CABP1: variants seen among roughly 807,000 people sequenced by gnomAD.
CABP1 encodes the protein calcium-binding protein 1.
CABP1 carries 17 observed loss-of-function variants against 34.3 expected under a neutral mutation model. The ratio of observed to expected loss-of-function variants is 0.50; its 90% CI spans 0.34 to 0.74. CABP1 has a LOEUF of 0.74. Ranked by LOEUF, CABP1 falls within the 30% of genes least tolerant of loss-of-function variation. CABP1 has a pLI of 0.01. For missense variants in CABP1, 373 were observed against 511.1 expected (o/e 0.73, Z 2.61); for synonymous variants, 198 against 229.2 (o/e 0.86, Z 1.23).
chr12:120,679,049 G>A, the CABP1 span, among the ~76,000 whole-genome samples: 1 of 141,478 alleles, frequency 7.1e-6, no homozygotes, highest in Non-Finnish European at 1.5e-5. Flanking sequence ...CTCCAGCCTG[G>A]GTGACAGAGT....
chr12:120,664,736 G>A (rs1170163343), intron 5 of CABP1, among the ~76,000 whole-genome samples: 2 of 152,006 alleles, frequency 1.3e-5, no homozygotes, highest in East Asian at 1.9e-4. Context: ...AATTAGCTGG[G>A]TGTGGTGGCG....
the CABP1 span, among the ~76,000 whole-genome samples, chr12:120,676,916 A>G: frequency 6.6e-6 from 1 of 152,044 alleles, no homozygotes; most frequent in Non-Finnish European, 1.5e-5. Flanking sequence ...CCTTAACACA[A>G]TGTAAAAAGT....
chr12:120,650,424 C>A (rs1879769233), intron 1 of CABP1: 2 of 1,323,750 alleles, frequency 1.5e-6, no homozygotes, highest in Non-Finnish European at 2.0e-6. Flanking sequence ...AACACACACA[C>A]AATCCACCCA....
intron 5 of CABP1, 82 bp from the exon 6 acceptor site, chr12:120,666,793 C>T: frequency 1.4e-6 from 2 of 1,471,004 alleles, no homozygotes; most frequent in Non-Finnish European, 1.9e-6. Context: ...GGGGCAGTGG[C>T]AACAGGGTGG....
In CABP1 at chr12:120,660,024, T is replaced by G; in HGVS notation, c.685+116T>G. ...GGGGCCTGGTGCAACGCGGGGTATCTTCTGTGAAACCAGCTGCTGAAGGTG... is the reference window on the plus strand; with the variant it reads ...GGGGCCTGGTGCAACGCGGGGTATCGTCTGTGAAACCAGCTGCTGAAGGTG... On this transcript the variant is annotated intron_variant, in intron 2 of 5. Coordinates refer to ENST00000316803, the MANE Select transcript of CABP1 (RefSeq NM_001033677.2). This position sits in a 1 kb window ranked among gnomAD's most constrained non-coding sequence, Gnocchi z 5.0. The G allele has an allele frequency of 7.7e-7, 1 of 1,296,460 alleles. No homozygotes were observed. The highest frequency in any genetic ancestry group is 1.1e-6 in the Non-Finnish European group (1 of 918,756). 80.3% of individuals were successfully genotyped at this position (1,296,460 alleles called of 1,614,324 possible). A position where few individuals can be genotyped will look rare whatever the true frequency, so the allele number is the denominator to read the frequency against.
At chr12:120,679,668 A>C in the CABP1 span, among the ~76,000 whole-genome samples, 5 of 151,842 alleles carry the variant, frequency 3.3e-5, no homozygotes, top group African/African-American at 1.2e-4. Context: ...TCTCTACTAA[A>C]AATACAAAAT....
intron 1 of CABP1, among the ~76,000 whole-genome samples, chr12:120,658,253 T>C (rs1880376882): frequency 6.6e-6 from 1 of 151,962 alleles, no homozygotes; most frequent in African/African-American, 2.4e-5. Context: ...ACCACCATGC[T>C]TGGCTAACTA....
the CABP1 span, among the ~76,000 whole-genome samples, chr12:120,680,135 T>C: frequency 6.6e-6 from 1 of 152,168 alleles, no homozygotes; most frequent in African/African-American, 2.4e-5. Context: ...ATCACACCAC[T>C]GCACTCCAAC....
At chr12:120,670,528 G>A (rs1457227051), downstream of CABP1, among the ~76,000 whole-genome samples, 2 of 151,942 alleles carry the variant, frequency 1.3e-5, no homozygotes, top group Non-Finnish European at 2.9e-5. Context: ...TGGGTGGATC[G>A]CTTGAGGTCA....
chr12:120,654,575 C>T (rs973925339), intron 1 of CABP1, among the ~76,000 whole-genome samples: 3 of 152,212 alleles, frequency 2.0e-5, no homozygotes, highest in African/African-American at 4.8e-5. Context: ...CAGCTCCTGT[C>T]GCTCCTTGGG....
At chr12:120,647,945 G>A (rs1879626590) in intron 1 of CABP1, among the ~76,000 whole-genome samples, 1 of 152,062 alleles carries the variant, frequency 6.6e-6, no homozygotes, top group Admixed American at 6.6e-5. Context: ...TTACCTGGGA[G>A]TACTAAGCAA....
chr12:120,671,376 C>A (rs1357310908), downstream of CABP1, among the ~76,000 whole-genome samples: 6 of 152,290 alleles, frequency 3.9e-5, no homozygotes, highest in Non-Finnish European at 1.5e-5. Flanking sequence ...CCAGCCTGGG[C>A]AACAGAGCAA....
chr12:120,653,360 C>T (rs1177416435), intron 1 of CABP1, among the ~76,000 whole-genome samples: 1 of 152,160 alleles, frequency 6.6e-6, no homozygotes, highest in East Asian at 1.9e-4. Context: ...TGTGACTAGT[C>T]ATGAGCATCT....
intron 5 of CABP1, among the ~76,000 whole-genome samples, chr12:120,665,677 C>T (rs1003556903): frequency 1.3e-5 from 2 of 151,810 alleles, no homozygotes; most frequent in East Asian, 3.9e-4. Flanking sequence ...AGAAAAAAAT[C>T]TCCGTACTTT....
the CABP1 span, among the ~76,000 whole-genome samples, chr12:120,679,012 G>T: frequency 5.0e-5 from 7 of 140,596 alleles, no homozygotes; most frequent in Non-Finnish European, 4.5e-5. Flanking sequence ...GGCCAAGGTT[G>T]CAGTGAGATG....
At chr12:120,644,354 T>C (rs942757631) in intron 1 of CABP1, among the ~76,000 whole-genome samples, 3 of 152,184 alleles carry the variant, frequency 2.0e-5, no homozygotes, top group Non-Finnish European at 4.4e-5. Flanking sequence ...TAAGGTACTT[T>C]GAAAGCTGAT....
downstream of CABP1, among the ~76,000 whole-genome samples, chr12:120,669,738 A>T (rs1881185291): frequency 6.7e-6 from 1 of 150,038 alleles, no homozygotes; most frequent in Non-Finnish European, 1.5e-5. Flanking sequence ...TGGGTGACAC[A>T]GTGAGACTCT....
intron 1 of CABP1, chr12:120,655,615 G>C: frequency 7.3e-7 from 1 of 1,377,346 alleles, no homozygotes; most frequent in South Asian, 1.8e-5. Flanking sequence ...GATCTGGCTG[G>C]AGTAGGACAA....
At chr12:120,657,759 G>C (rs1880332802) in intron 1 of CABP1, among the ~76,000 whole-genome samples, 1 of 152,204 alleles carries the variant, frequency 6.6e-6, no homozygotes, top group Non-Finnish European at 1.5e-5. Flanking sequence ...TGCCCCCGGG[G>C]CTTTGGGTGT....
Sources: gnomAD v4.1 joint callset for allele counts (sites outside exome capture counted in the v4.1 genomes callset) on GRCh38, gnomAD v4.1.1 for gene constraint, Gnocchi (gnomAD v3.1) non-coding constraint, MANE v1.5 for transcripts, NCBI Gene and HGNC (gene_info 2026-07-23, HGNC 2026-07-21) for gene names.